The following DOK6 variants were observed in gnomAD, a reference collection of about 807,000 sequenced individuals.
DOK6 encodes the protein downstream of tyrosine kinase 6.
Under a neutral mutation model 44.0 loss-of-function variants are expected in DOK6, and 22 were observed. The observed-to-expected ratio is 0.50, with a 90% CI of 0.36 to 0.71. The LOEUF (loss-of-function observed/expected upper bound fraction) is 0.71, where lower values mean the gene tolerates loss of function less well. DOK6 is among the 30% of genes least tolerant of loss of function. The pLI, the probability that DOK6 is intolerant of heterozygous loss-of-function variation, is 0.00. For synonymous variants in DOK6, 166 were observed against 145.5 expected, an observed-to-expected ratio of 1.14 and a Z score of -1.01; for missense variants, 340 against 416.4, an observed-to-expected ratio of 0.82 and a Z score of 1.60.
Position 69,406,258 on chromosome 18 carries a change from G to A in DOK6, c.66+4948G>A, listed in dbSNP as rs111584080. 8.5e-3 allele frequency among the ~76,000 whole-genome samples: 1,293 copies of A among 152,150 alleles called. 17 individuals carry two copies. Among genetic ancestry groups the A allele is most frequent in the African/African-American group, 0.029 (1,212 of 41,506 alleles). The stretch of plus-strand genomic sequence containing the variant: ...TTGCATTATCTTCAACTGCATGTTC[G>A]TGTGTATGACATCTGATGTATGCTT... On this transcript the variant is annotated intron_variant, in intron 1 of 7. Transcript: ENST00000382713.
intron 7 of DOK6, among the ~76,000 whole-genome samples, chr18:69,776,768 T>C (rs1980079465): frequency 6.6e-6 from 1 of 152,050 alleles, no homozygotes; most frequent in Non-Finnish European, 1.5e-5. Context: ...AGATGATCTC[T>C]ATAGGTACAG....
intron 1 of DOK6, among the ~76,000 whole-genome samples, chr18:69,437,773 T>C (rs1258515361): frequency 6.6e-6 from 1 of 152,190 alleles, no homozygotes; most frequent in Non-Finnish European, 1.5e-5. Flanking sequence ...ATCTTGGAAA[T>C]ATTGTTCATT....
intron 6 of DOK6, among the ~76,000 whole-genome samples, chr18:69,742,782 T>G (rs1162901400): frequency 6.6e-6 from 1 of 152,238 alleles, no homozygotes; most frequent in Non-Finnish European, 1.5e-5. Context: ...GTCCTTTGAC[T>G]CCTTGAAATA....
chr18:69,669,274 C>T (rs966255294), intron 3 of DOK6, among the ~76,000 whole-genome samples: 22 of 152,296 alleles, frequency 1.4e-4, no homozygotes, highest in African/African-American at 4.3e-4. Flanking sequence ...CTCAAGTAGG[C>T]CCTGGCGTCT....
intron 2 of DOK6, among the ~76,000 whole-genome samples, chr18:69,572,566 T>C (rs1460371983): frequency 6.6e-6 from 1 of 152,024 alleles, no homozygotes; most frequent in African/African-American, 2.4e-5. Flanking sequence ...TATTCTATAG[T>C]TCTGGATAAA....
At chr18:69,610,371 G>A (rs750484814) in intron 3 of DOK6, among the ~76,000 whole-genome samples, 13 of 152,044 alleles carry the variant, frequency 8.6e-5, no homozygotes, top group Non-Finnish European at 1.9e-4. Flanking sequence ...TCTCATATAA[G>A]CATATACACT....
At chr18:69,835,233 T>C (rs1026303740) in intron 7 of DOK6, among the ~76,000 whole-genome samples, 2 of 151,920 alleles carry the variant, frequency 1.3e-5, no homozygotes, top group Non-Finnish European at 1.5e-5. Flanking sequence ...GAGGCCGAGG[T>C]GGGTGGATCA....
At chr18:69,596,519 A>C (rs887976385) in intron 2 of DOK6, among the ~76,000 whole-genome samples, 5 of 152,310 alleles carry the variant, frequency 3.3e-5, no homozygotes, top group African/African-American at 1.2e-4. Context: ...AAGGAACCCC[A>C]ATAAGATTAA....
At chr18:69,552,320 A>G (rs1172670932) in intron 1 of DOK6, among the ~76,000 whole-genome samples, 2 of 152,040 alleles carry the variant, frequency 1.3e-5, no homozygotes, top group African/African-American at 4.8e-5. Flanking sequence ...AACATCTTAA[A>G]TATATAATCA....
intron 1 of DOK6, among the ~76,000 whole-genome samples, chr18:69,406,350 G>A (rs749323331): frequency 1.1e-4 from 17 of 152,124 alleles, no homozygotes; most frequent in Admixed American, 2.6e-4. Context: ...ATATGAACAT[G>A]TCCAAAGTTC....
At chr18:69,617,452 G>A (rs1427039732) in intron 3 of DOK6, among the ~76,000 whole-genome samples, 4 of 141,542 alleles carry the variant, frequency 2.8e-5, no homozygotes, top group African/African-American at 1.1e-4. Context: ...GAGAGAGGGA[G>A]GAAGGAAGGA....
intron 1 of DOK6, among the ~76,000 whole-genome samples, chr18:69,472,770 T>C (rs1980151928): frequency 1.3e-5 from 2 of 152,184 alleles, no homozygotes; most frequent in Admixed American, 1.3e-4. Context: ...TCTCATTATT[T>C]CTTTAAAGAA....
chr18:69,417,002 A>G (rs1044234779), intron 1 of DOK6, among the ~76,000 whole-genome samples: 6 of 152,286 alleles, frequency 3.9e-5, no homozygotes, highest in Middle Eastern at 3.4e-3. Flanking sequence ...TTGATACAAT[A>G]ATGCAATGTA....
intron 3 of DOK6, among the ~76,000 whole-genome samples, chr18:69,609,851 G>T (rs1041221626): frequency 2.6e-5 from 4 of 152,164 alleles, no homozygotes; most frequent in Non-Finnish European, 5.9e-5. Context: ...TCTTTAAAAA[G>T]AAGGAAATTC....
chr18:69,693,327 AAAAAG>A (rs1986310328), intron 4 of DOK6, among the ~76,000 whole-genome samples: 2 of 151,632 alleles, frequency 1.3e-5, no homozygotes, highest in African/African-American at 4.8e-5. Context: ...AAAAAAAAAA[AAAAAG>A]AATCTATTGG....
intron 7 of DOK6, among the ~76,000 whole-genome samples, chr18:69,804,460 C>A (rs1980995594): frequency 6.6e-6 from 1 of 152,090 alleles, no homozygotes; most frequent in African/African-American, 2.4e-5. Context: ...TACATATATA[C>A]AATCATCAAT....
chr18:69,812,048 C>T (rs1981256049), intron 7 of DOK6, among the ~76,000 whole-genome samples: 1 of 150,804 alleles, frequency 6.6e-6, no homozygotes, highest in African/African-American at 2.4e-5. Flanking sequence ...TACATACATA[C>T]TCGAATAAAT....
At chr18:69,543,176 A>G (rs1050851621) in intron 1 of DOK6, among the ~76,000 whole-genome samples, 1 of 151,558 alleles carries the variant, frequency 6.6e-6, no homozygotes, top group African/African-American at 2.4e-5. Flanking sequence ...CTTTCAATTT[A>G]CTTTTATTTT....
intron 1 of DOK6, among the ~76,000 whole-genome samples, chr18:69,552,161 A>G (rs982944556): frequency 1.3e-5 from 2 of 152,182 alleles, no homozygotes; most frequent in African/African-American, 2.4e-5. Context: ...TTAGAAGCTC[A>G]TTGTCTTGTG....
Sources: gnomAD v4.1 joint callset for allele counts (sites outside exome capture counted in the v4.1 genomes callset) on GRCh38, gnomAD v4.1.1 for gene constraint, MANE v1.5 for transcripts, NCBI Gene and HGNC (gene_info 2026-07-23, HGNC 2026-07-21) for gene names.